Variants in SERINC5 observed in about 807,000 individuals in gnomAD.
SERINC5 encodes chromosome 5 open reading frame 12.
In SERINC5, 41 loss-of-function variants were observed where a neutral mutation model predicts 63.1. The ratio of observed to expected loss-of-function variants is 0.65; its 90% CI spans 0.51 to 0.84. The LOEUF is 0.84. Among genes scored for constraint, SERINC5 ranks in the 40% least tolerant of loss-of-function variants. The pLI is 0.00. For missense variants in SERINC5, 523 were observed against 573.0 expected, an observed-to-expected ratio of 0.91 and a Z score of 0.89; for synonymous variants, 222 against 215.2, an observed-to-expected ratio of 1.03 and a Z score of -0.28.
intron 2 of SERINC5, among the ~76,000 whole-genome samples, chr5:80,196,687 G>A (rs962468280): frequency 2.0e-4 from 31 of 152,188 alleles, no homozygotes; most frequent in African/African-American, 5.3e-4. Context: ...ATTTACAGTC[G>A]CAACACTTTT....
chr5:80,115,233 A>G (rs1469807197), intron 11 of SERINC5, among the ~76,000 whole-genome samples: 1 of 152,038 alleles, frequency 6.6e-6, no homozygotes, highest in African/African-American at 2.4e-5. Context: ...GCCAAGGACC[A>G]TCACTGCTAG....
intron 1 of SERINC5, among the ~76,000 whole-genome samples, chr5:80,248,299 C>T (rs1752247612): frequency 6.6e-6 from 1 of 152,164 alleles, no homozygotes; most frequent in Non-Finnish European, 1.5e-5. Flanking sequence ...ACTTGAACGA[C>T]TTGAACACAA....
At chr5:80,174,389 A>ATAATAATAATAAT (rs1747880752) in intron 5 of SERINC5, among the ~76,000 whole-genome samples, 1 of 142,000 alleles carries the variant, frequency 7.0e-6, no homozygotes, top group Admixed American at 7.1e-5. Context: ...AATAATAATA[A>ATAATAATAATAAT]TAATAATAAT....
At chr5:80,137,164 CAAAAA>C (rs796274001), downstream of SERINC5, among the ~76,000 whole-genome samples, 1 of 79,082 alleles carries the variant, frequency 1.3e-5, no homozygotes, top group Non-Finnish European at 2.9e-5. Context: ...AAAAAAAAAA[CAAAAA>C]AAACACCTAA....
chr5:80,138,001 G>A (rs1176012532), downstream of SERINC5, among the ~76,000 whole-genome samples: 2 of 152,060 alleles, frequency 1.3e-5, no homozygotes, highest in Non-Finnish European at 2.9e-5. Context: ...AGGAACTCCT[G>A]CAATATGCAA....
rs1048585842 is a variant in SERINC5 at position 80,144,549 on chromosome 5, C to T, written c.1239-739G>A. Reference sequence around the variant, plus strand: ...TTAATTATAGCCTTCTCCATCTTTTCTTAAGCTTTCCAAGCCAAAAATTCC... The same window carrying T: ...TTAATTATAGCCTTCTCCATCTTTTTTTAAGCTTTCCAAGCCAAAAATTCC... On this transcript the variant is annotated intron_variant, in intron 11 of 11. Transcript: ENST00000507668. 2.0e-5 allele frequency among the ~76,000 whole-genome samples: 3 copies of T among 152,158 alleles called. No homozygotes were observed. In the East Asian group the frequency reaches 5.8e-4, roughly 29 times the overall value.
chr5:80,219,639 G>A lies in SERINC5; in HGVS notation c.28-16586C>T, dbSNP rs573344614. ...AGCCCTAGACAGCCTTTGTGAGGAT[G>A]CCTGCATTCAAGCACCAGCTGCCTC... On this transcript the variant is annotated intron_variant, in intron 1 of 11. Coordinates refer to ENST00000507668, the MANE Select transcript of SERINC5 (RefSeq NM_001174072.3). 1.5e-3 allele frequency among the ~76,000 whole-genome samples: 222 copies of A among 152,266 alleles called. 1 individual carries two copies. The highest frequency in any genetic ancestry group is 5.2e-3 in the African/African-American group (215 of 41,538).
chr5:80,185,689 T>C (rs145759985), intron 2 of SERINC5, among the ~76,000 whole-genome samples: 2,853 of 152,004 alleles, frequency 0.019, 96 homozygotes, highest in African/African-American at 0.065. Flanking sequence ...CGTTCTCTGG[T>C]GGGCAGGAAT....
intron 1 of SERINC5, among the ~76,000 whole-genome samples, chr5:80,255,382 G>A (rs1156345039): frequency 1.3e-5 from 2 of 152,074 alleles, no homozygotes; most frequent in African/African-American, 4.8e-5. Flanking sequence ...TTGGAAGTCA[G>A]GCTTCGAGAC....
rs77605523 is a variant in SERINC5, at chr5:80,174,294, G to C, written c.551+660C>G. On this transcript the variant is annotated intron_variant, in intron 5 of 11. Coordinates refer to ENST00000507668, the MANE Select transcript of SERINC5 (RefSeq NM_001174072.3). The stretch of plus-strand genomic sequence containing the variant: ...AGGTGGGAGAATCACTGAAGCCTGG[G>C]AAATCGAAGCTGCAGTGAGCCATGA... Among the ~76,000 whole-genome samples, 331 of 151,410 alleles carry C rather than the reference G, an allele frequency of 2.2e-3. 2 individuals carry two copies. The highest frequency in any genetic ancestry group is 7.6e-3 in the African/African-American group (313 of 41,244).
downstream of SERINC5, among the ~76,000 whole-genome samples, chr5:80,136,066 C>T (rs956791178): frequency 1.3e-5 from 2 of 151,910 alleles, no homozygotes; most frequent in Non-Finnish European, 2.9e-5. Context: ...AACTGTACAC[C>T]TAAAAATGGT....
chr5:80,128,848 TA>T (rs1744837061), intron 11 of SERINC5: 1 of 152,062 alleles, frequency 6.6e-6, no homozygotes, highest in Admixed American at 6.6e-5. Flanking sequence ...CATTCATTCT[TA>T]CTCTTTCCCT....
chr5:80,169,090 T>A (rs1747483530), intron 6 of SERINC5, among the ~76,000 whole-genome samples: 1 of 152,206 alleles, frequency 6.6e-6, no homozygotes, highest in South Asian at 2.1e-4. Flanking sequence ...AAAGGCAGTA[T>A]CTTCCTATTC....
At chr5:80,183,894 G>T (rs530857312) in intron 2 of SERINC5, among the ~76,000 whole-genome samples, 2 of 152,162 alleles carry the variant, frequency 1.3e-5, no homozygotes, top group Non-Finnish European at 2.9e-5. Flanking sequence ...ACACCGACGC[G>T]CATGAAAGGA....
Position 80,143,174 on chromosome 5 carries a change from C to T in SERINC5, c.*489G>A, listed in dbSNP as rs1415307274. 1.0e-6 allele frequency: 1 copy of T among 986,396 alleles called. No individual in the cohort carries two copies. Among genetic ancestry groups the T allele is most frequent in the African/African-American group, 1.7e-5 (1 of 57,318 alleles). 61.1% of individuals were successfully genotyped at this position (986,396 alleles called of 1,614,324 possible). A position where few individuals can be genotyped will look rare whatever the true frequency, so the allele number is the denominator to read the frequency against. ...CTTGGACCCTATAAATACCAGGGGC[C>T]CTGCAGGCTGAGTCCTGTCCTCAAA... On this transcript the variant is annotated 3_prime_UTR_variant, in exon 12 of 12. Coordinates refer to ENST00000507668, the MANE Select transcript of SERINC5 (RefSeq NM_001174072.3).
At position 80,169,454 on chromosome 5, in the gene SERINC5, A is replaced by T. The variant is rs765270589; in HGVS notation, c.644T>A (p.Leu215Ter). The part of the protein sequence containing the change: ...MYSIATGGLV[L>*]MAVFYTQKDS... ...TTTCTGTGTATAAAACACTGCCATC[A>T]AAACCAAGCCTCCAGTGGCAATGGA... Residue 215 changes from leucine to a stop codon, truncating the protein, a stop_gained, in exon 6 of 12, where the codon TTG becomes TAG. Transcript: ENST00000507668. LOFTEE classifies it high-confidence loss of function. The T allele has an allele frequency of 6.2e-7, 1 of 1,613,986 alleles. No homozygotes were observed. Among genetic ancestry groups the T allele is most frequent in the Non-Finnish European group, 8.5e-7 (1 of 1,179,854 alleles).
At chr5:80,157,843 T>A (rs570152967) in intron 8 of SERINC5, 1 of 152,352 alleles carries the variant, frequency 6.6e-6, no homozygotes, top group African/African-American at 2.4e-5. Flanking sequence ...AGCATTTTAT[T>A]GCTTGATGTG....
rs1745622376 is a variant in SERINC5, at chr5:80,143,322, A to G, written c.*341T>C. ...TCCGAGGATGAGAATGACTGGCCCCACAAGATATTTTTATCCCTGTGAAAA... is the reference window on the plus strand; with the variant it reads ...TCCGAGGATGAGAATGACTGGCCCCGCAAGATATTTTTATCCCTGTGAAAA... On this transcript the variant is annotated 3_prime_UTR_variant, in exon 12 of 12. Coordinates refer to ENST00000507668, the MANE Select transcript of SERINC5 (RefSeq NM_001174072.3). 9.7e-7 allele frequency: 1 copy of G among 1,030,568 alleles called. No homozygotes were observed. The highest frequency in any genetic ancestry group is 1.7e-5 in the African/African-American group (1 of 58,594). The allele number at this position is 1,030,568 out of a possible 1,614,324, so 63.8% of individuals were successfully genotyped here.
chr5:80,237,511 T>C (rs957063298), intron 1 of SERINC5, among the ~76,000 whole-genome samples: 10 of 151,886 alleles, frequency 6.6e-5, no homozygotes, highest in African/African-American at 2.4e-4. Context: ...TGTTTGTATT[T>C]TTTTGTAGAG....
Sources: gnomAD v4.1 joint callset for allele counts (sites outside exome capture counted in the v4.1 genomes callset) on GRCh38, gnomAD v4.1.1 for gene constraint, MANE v1.5 for transcripts, NCBI Gene and HGNC (gene_info 2026-07-23, HGNC 2026-07-21) for gene names.